Variants in CALN1 observed in about 807,000 individuals in gnomAD.
The protein encoded by CALN1 is calcium-binding protein 8.
Under a neutral mutation model 30.6 loss-of-function variants are expected in CALN1, and 17 were observed. That is an observed-to-expected ratio of 0.56 (90% CI 0.38 to 0.83). The LOEUF is 0.83. CALN1 is among the 40% of genes least tolerant of loss of function. The pLI, the probability that CALN1 is intolerant of heterozygous loss-of-function variation, is 0.00. For synonymous variants in CALN1, 156 were observed against 131.4 expected (o/e 1.19, Z -1.28); for missense variants, 291 against 354.9 (o/e 0.82, Z 1.45).
intron 2 of CALN1, among the ~76,000 whole-genome samples, chr7:72,326,473 A>C (rs1801287024): frequency 6.6e-6 from 1 of 152,250 alleles, no homozygotes; most frequent in African/African-American, 2.4e-5. Flanking sequence ...ATATGTGTTT[A>C]TGTGTATGCA....
chr7:72,299,436 T>G (rs890085973), intron 2 of CALN1, among the ~76,000 whole-genome samples: 2 of 152,190 alleles, frequency 1.3e-5, no homozygotes, highest in Non-Finnish European at 2.9e-5. Context: ...CATGTAAATA[T>G]TTAACTCATC....
intron 2 of CALN1, among the ~76,000 whole-genome samples, chr7:72,300,988 T>C (rs550844212): frequency 2.1e-4 from 32 of 152,188 alleles, no homozygotes; most frequent in African/African-American, 6.7e-4. Context: ...AGTGAGACTC[T>C]GTCTCAAATA....
chr7:71,802,789 G>A (rs952933001), intron 6 of CALN1, among the ~76,000 whole-genome samples: 2 of 152,190 alleles, frequency 1.3e-5, no homozygotes, highest in African/African-American at 4.8e-5. Flanking sequence ...TTGGGAGGCC[G>A]AGGATGGGGA....
intron 4 of CALN1, among the ~76,000 whole-genome samples, chr7:72,045,055 CG>C (rs1802382671): frequency 6.6e-6 from 1 of 152,280 alleles, no homozygotes. Flanking sequence ...CAACTTCTCA[CG>C]GAAGTCTCCA....
intron 5 of CALN1, among the ~76,000 whole-genome samples, chr7:71,828,691 T>C (rs944839979): frequency 6.9e-6 from 1 of 145,038 alleles, no homozygotes; most frequent in African/African-American, 2.8e-5. Context: ...ACATAAGATA[T>C]ATACATATAT....
chr7:72,233,145 T>A (rs1442618071), intron 3 of CALN1, among the ~76,000 whole-genome samples: 1 of 151,862 alleles, frequency 6.6e-6, no homozygotes. Context: ...TTCGTCACTA[T>A]TTTTACTGTT....
intron 2 of CALN1, among the ~76,000 whole-genome samples, chr7:72,351,575 G>A (rs796890480): frequency 9.9e-5 from 15 of 152,246 alleles, no homozygotes; most frequent in African/African-American, 3.4e-4. Flanking sequence ...GTAAGGAAAT[G>A]GAAATATACT....
chr7:72,069,963 G>A lies in CALN1; in HGVS notation c.388+36188C>T, dbSNP rs577567950. On this transcript the variant is annotated intron_variant, in intron 4 of 6. Coordinates refer to ENST00000395275, the MANE Select transcript of CALN1 (RefSeq NM_031468.4). Reference sequence around the variant, plus strand: ...GGGGATGTCCTGAGGTCCTCACCAGGAGTGTCCCTTCCCAAGAACAACATC... The same window carrying A: ...GGGGATGTCCTGAGGTCCTCACCAGAAGTGTCCCTTCCCAAGAACAACATC... Among the ~76,000 whole-genome samples the A allele has an allele frequency of 7.9e-5, 12 of 152,250 alleles. 1 individual carries two copies. Among genetic ancestry groups the A allele is most frequent in the Non-Finnish European group, 1.6e-4 (11 of 68,022 alleles).
intron 3 of CALN1, among the ~76,000 whole-genome samples, chr7:72,232,971 G>A (rs1794217282): frequency 6.6e-6 from 1 of 151,742 alleles, no homozygotes; most frequent in Non-Finnish European, 1.5e-5. Context: ...AGCATGTTTA[G>A]CATGTAACAT....
intron 3 of CALN1, among the ~76,000 whole-genome samples, chr7:72,119,546 T>C (rs771152844): frequency 1.3e-5 from 2 of 150,956 alleles, no homozygotes; most frequent in Non-Finnish European, 1.5e-5. Flanking sequence ...TAACCCTACA[T>C]AGGATATTGT....
chr7:72,490,780 AG>A, the CALN1 span, among the ~76,000 whole-genome samples: 1 of 152,276 alleles, frequency 6.6e-6, no homozygotes, highest in East Asian at 1.9e-4. Flanking sequence ...AAGCTTCCTG[AG>A]GCCTCCCAGC....
At chr7:72,205,655 T>A (rs747084162) in intron 3 of CALN1, among the ~76,000 whole-genome samples, 6 of 146,912 alleles carry the variant, frequency 4.1e-5, no homozygotes, top group African/African-American at 7.5e-5. Context: ...GTTTATAACG[T>A]TTTCCTTTTT....
the CALN1 span, among the ~76,000 whole-genome samples, chr7:72,503,934 T>C: frequency 6.6e-6 from 1 of 152,170 alleles, no homozygotes; most frequent in African/African-American, 2.4e-5. Flanking sequence ...ACGTAGTTTA[T>C]TCATCTTTTG....
the CALN1 span, among the ~76,000 whole-genome samples, chr7:72,475,941 CTTTTTTT>C: frequency 2.2e-3 from 164 of 75,886 alleles, no homozygotes; most frequent in African/African-American, 9.7e-3. Flanking sequence ...CTCTCTCTCT[CTTTTTTT>C]TTTTTTTTTT....
At chr7:72,334,014 G>T (rs767129822) in intron 2 of CALN1, among the ~76,000 whole-genome samples, 1 of 152,210 alleles carries the variant, frequency 6.6e-6, no homozygotes, top group Non-Finnish European at 1.5e-5. Flanking sequence ...AACCCAGCCT[G>T]TTAGCCTCAA....
chr7:72,148,958 AAGGAAGGGAGGG>A (rs1786997518), intron 3 of CALN1, among the ~76,000 whole-genome samples: 1 of 137,324 alleles, frequency 7.3e-6, no homozygotes, highest in Admixed American at 7.2e-5. Flanking sequence ...GGAAGGAAAG[AAGGAAGGGAGGG>A]AGGGAGGGAG....
At position 72,070,797 on chromosome 7, in the gene CALN1, T is replaced by G. The variant is rs540999568; in HGVS notation, c.388+35354A>C. Among the ~76,000 whole-genome samples the G allele has an allele frequency of 8.5e-5, 13 of 152,316 alleles. No individual in the cohort carries two copies. In the South Asian group the frequency reaches 2.5e-3, roughly 29 times the overall value. ...CCACTTCAGTCTGAAGGGACCAAAC[T>G]TTGCAGTTTTTATAAGGTCTCCTCC... is the stretch of plus-strand genomic sequence containing the variant. On this transcript the variant is annotated intron_variant, in intron 4 of 6. Coordinates refer to ENST00000395275, the MANE Select transcript of CALN1 (RefSeq NM_031468.4).
chr7:72,472,243 C>T, the CALN1 span, among the ~76,000 whole-genome samples: 1 of 152,276 alleles, frequency 6.6e-6, no homozygotes, highest in South Asian at 2.1e-4. Context: ...GCAGCATCTC[C>T]GTTCCTGAGC....
At chr7:71,847,116 C>T (rs1321400413) in intron 5 of CALN1, among the ~76,000 whole-genome samples, 3 of 151,694 alleles carry the variant, frequency 2.0e-5, no homozygotes, top group Non-Finnish European at 2.9e-5. Flanking sequence ...AGGCTCAAGA[C>T]CAGGAAGAGC....
Sources: gnomAD v4.1 joint callset for allele counts (sites outside exome capture counted in the v4.1 genomes callset) on GRCh38, gnomAD v4.1.1 for gene constraint, MANE v1.5 for transcripts, NCBI Gene and HGNC (gene_info 2026-07-23, HGNC 2026-07-21) for gene names.